The following CRIM1 variants were observed in gnomAD, a reference collection of about 807,000 sequenced individuals.
CRIM1 encodes cysteine rich transmembrane BMP regulator 1, also known as cysteine-rich motor neuron 1 protein.
A neutral mutation model predicts 116.4 loss-of-function variants in CRIM1; 32 were observed. The ratio of observed to expected loss-of-function variants is 0.27; its 90% CI spans 0.21 to 0.37. The LOEUF is 0.37. CRIM1 is among the 10% of genes least tolerant of loss of function. CRIM1 has a pLI of 1.00. For synonymous variants in CRIM1, 590 were observed against 509.2 expected (o/e 1.16, Z -2.13); for missense variants, 1,331 against 1,354.8 (o/e 0.98, Z 0.28).
chr2:36,384,749 C>T (rs1671049873), intron 1 of CRIM1, among the ~76,000 whole-genome samples: 1 of 152,128 alleles, frequency 6.6e-6, no homozygotes, highest in Non-Finnish European at 1.5e-5. Flanking sequence ...ATTTCAAGGG[C>T]TTGATGCCTT....
At chr2:36,516,469 T>A (rs1665038401) in intron 11 of CRIM1, among the ~76,000 whole-genome samples, 1 of 152,170 alleles carries the variant, frequency 6.6e-6, no homozygotes, top group Non-Finnish European at 1.5e-5. Flanking sequence ...CTTCAGACAT[T>A]TTCAACATTA....
chr2:36,371,696 G>A (rs535420554), intron 1 of CRIM1, among the ~76,000 whole-genome samples: 1 of 152,102 alleles, frequency 6.6e-6, no homozygotes, highest in African/African-American at 2.4e-5. Flanking sequence ...TTTTATTTGT[G>A]TGGACTTTTC....
At position 36,419,884 on chromosome 2, in the gene CRIM1, A is replaced by T. The variant is rs527749278; in HGVS notation, c.506-21374A>T. The stretch of plus-strand genomic sequence containing the variant: ...AGTGGTGACATTCAGAAATGATGGC[A>T]GTTTATAAATAATCCTAATTTGTAG... On this transcript the variant is annotated intron_variant, in intron 2 of 16. Coordinates refer to ENST00000280527, the MANE Select transcript of CRIM1 (RefSeq NM_016441.3). Among the ~76,000 whole-genome samples the T allele has an allele frequency of 1.5e-3, 224 of 152,372 alleles. 1 individual carries two copies. The highest frequency in any genetic ancestry group is 5.0e-3 in the African/African-American group (208 of 41,580).
At chr2:36,545,804 T>C (rs917923683) in intron 15 of CRIM1, among the ~76,000 whole-genome samples, 5 of 152,184 alleles carry the variant, frequency 3.3e-5, no homozygotes, top group Non-Finnish European at 5.9e-5. Context: ...AAAACTGCTT[T>C]CTATTTGATT....
intron 8 of CRIM1, among the ~76,000 whole-genome samples, chr2:36,500,047 G>A (rs368547026): frequency 1.3e-5 from 2 of 151,970 alleles, no homozygotes; most frequent in African/African-American, 4.8e-5. Flanking sequence ...TCCAGAATGG[G>A]CAGGCATGGT....
rs758111509 is a variant in CRIM1 at position 36,513,664 on chromosome 2, A to G, written c.1889A>G (p.Tyr630Cys). The change falls in exon 11 of 17, where the codon TAC becomes TGC. Residue 630 changes from tyrosine (Y) to cysteine (C), a missense_variant. By Grantham distance (194) the Tyr-to-Cys change is radical. Coordinates refer to ENST00000280527, the MANE Select transcript of CRIM1 (RefSeq NM_016441.3). ...ESWHDGCREC[Y>C]CLNGREMCAL... Reference sequence around the variant, plus strand: ...TGGCACGATGGGTGCCGGGAATGCTACTGTCTCAATGGACGGGAAATGTGT... The same window carrying G: ...TGGCACGATGGGTGCCGGGAATGCTGCTGTCTCAATGGACGGGAAATGTGT... 29 of 1,614,104 alleles carry G rather than the reference A, an allele frequency of 1.8e-5. No individual in the cohort carries two copies. The highest frequency in any genetic ancestry group is 1.3e-5 in the African/African-American group (1 of 74,944).
chr2:36,378,577 G>C (rs1052945008), intron 1 of CRIM1: 3 of 345,422 alleles, frequency 8.7e-6, no homozygotes, highest in Non-Finnish European at 1.7e-5. Context: ...AGTTTATGCT[G>C]ATGCCATTTC....
intron 1 of CRIM1, among the ~76,000 whole-genome samples, chr2:36,391,327 A>C (rs902348005): frequency 1.0e-4 from 15 of 149,832 alleles, no homozygotes; most frequent in Non-Finnish European, 1.9e-4. Context: ...ATGGGGTTTC[A>C]CCGTGTTAGC....
At chr2:36,367,201 C>G (rs551966676) in intron 1 of CRIM1, among the ~76,000 whole-genome samples, 55 of 152,270 alleles carry the variant, frequency 3.6e-4, no homozygotes, top group Non-Finnish European at 7.1e-4. Flanking sequence ...CCACTGAGTT[C>G]CTATATTTCA....
intron 13 of CRIM1, among the ~76,000 whole-genome samples, chr2:36,524,980 G>C (rs1213534060): frequency 6.6e-6 from 1 of 152,014 alleles, no homozygotes; most frequent in Non-Finnish European, 1.5e-5. Flanking sequence ...AGCTCGTAAT[G>C]GTATAGTGGA....
chr2:36,356,484 C>T lies in CRIM1; in HGVS notation c.192C>T (p.Tyr64=). 1 of 1,612,378 alleles carries T rather than the reference C, an allele frequency of 6.2e-7. No homozygotes were observed. Among genetic ancestry groups the T allele is most frequent in the Non-Finnish European group, 8.5e-7 (1 of 1,179,808 alleles). The change falls in exon 1 of 17, where the codon TAC becomes TAT. Residue 64 remains tyrosine, a synonymous_variant. Coordinates refer to ENST00000280527, the MANE Select transcript of CRIM1 (RefSeq NM_016441.3). The surrounding 1 kb of genome is among the most constrained non-coding windows in gnomAD (Gnocchi z 4.3). ...SIVQGVCGCC[Y]TCASQRNESC... ...TGCAGGGCGTCTGCGGCTGCTGCTA[C>T]ACGTGCGCCAGCCAGAGGAACGAGA... is the stretch of plus-strand genomic sequence containing the variant.
intron 1 of CRIM1, among the ~76,000 whole-genome samples, chr2:36,385,820 C>T (rs1257171705): frequency 6.6e-6 from 1 of 152,184 alleles, no homozygotes; most frequent in African/African-American, 2.4e-5. Context: ...TGCTCAGCTT[C>T]CCTCCTCAGT....
intron 1 of CRIM1, among the ~76,000 whole-genome samples, chr2:36,385,727 C>T (rs1392789244): frequency 5.9e-5 from 9 of 152,166 alleles, no homozygotes; most frequent in Non-Finnish European, 4.4e-5. Flanking sequence ...TTTTGCCCAG[C>T]CTTTGACTAC....
chr2:36,542,388 C>G (rs1558420371), intron 14 of CRIM1, among the ~76,000 whole-genome samples: 1 of 152,206 alleles, frequency 6.6e-6, no homozygotes, highest in African/African-American at 2.4e-5. Flanking sequence ...CCAAGTAGAG[C>G]CCCTGTGGGA....
At chr2:36,360,596 GC>G (rs1250441087) in intron 1 of CRIM1, among the ~76,000 whole-genome samples, 1 of 152,098 alleles carries the variant, frequency 6.6e-6, no homozygotes, top group African/African-American at 2.4e-5. Flanking sequence ...CCTGAAACTT[GC>G]CATGCAAAGT....
chr2:36,423,666 G>A lies in CRIM1; in HGVS notation c.506-17592G>A, dbSNP rs575892476. On this transcript the variant is annotated intron_variant, in intron 2 of 16. Coordinates refer to ENST00000280527, the MANE Select transcript of CRIM1 (RefSeq NM_016441.3). Reference sequence around the variant, plus strand: ...TGGTACTAAAGTATTTGAGTCCTCTGCCCTTGTATCATTTGTTTGTTAGAC... The same window carrying A: ...TGGTACTAAAGTATTTGAGTCCTCTACCCTTGTATCATTTGTTTGTTAGAC... Among the ~76,000 whole-genome samples the A allele has an allele frequency of 1.5e-4, 23 of 152,300 alleles. No individual in the cohort carries two copies. The South Asian group carries it at 2.9e-3, about 19-fold the overall frequency.
intron 1 of CRIM1, among the ~76,000 whole-genome samples, chr2:36,390,311 C>G (rs1243186653): frequency 6.6e-6 from 1 of 152,200 alleles, no homozygotes; most frequent in Non-Finnish European, 1.5e-5. Context: ...GAAGGTCACT[C>G]AAGACCTATG....
intron 16 of CRIM1, among the ~76,000 whole-genome samples, chr2:36,547,637 C>T (rs1443649375): frequency 6.6e-6 from 1 of 152,062 alleles, no homozygotes; most frequent in African/African-American, 2.4e-5. Context: ...CAGGTCAGTG[C>T]ACCAAAGGCA....
intron 2 of CRIM1, among the ~76,000 whole-genome samples, chr2:36,407,358 G>A (rs868140014): frequency 5.9e-5 from 9 of 152,290 alleles, no homozygotes; most frequent in African/African-American, 2.2e-4. Context: ...GAAAGAAAGT[G>A]TAGACAAAGT....
Sources: allele counts gnomAD v4.1 joint callset (sites outside exome capture counted in the v4.1 genomes callset), GRCh38; gene constraint gnomAD v4.1.1; non-coding constraint Gnocchi (gnomAD v3.1); transcripts MANE v1.5; gene names NCBI Gene and HGNC (gene_info 2026-07-23, HGNC 2026-07-21).